The following ATXN10 variants were observed in gnomAD, a reference collection of about 807,000 sequenced individuals.
ATXN10 encodes ataxin-10.
ATXN10 carries 28 observed loss-of-function variants against 52.9 expected under a neutral mutation model. The ratio of observed to expected loss-of-function variants is 0.53; its 90% CI spans 0.39 to 0.73. ATXN10 has a LOEUF of 0.73. Ranked by LOEUF, ATXN10 falls within the 30% of genes least tolerant of loss-of-function variation. The pLI is 0.00. For missense variants in ATXN10, 565 were observed against 577.0 expected, an observed-to-expected ratio of 0.98 and a Z score of 0.21; for synonymous variants, 226 against 221.5, an observed-to-expected ratio of 1.02 and a Z score of -0.18.
Position 45,672,005 on chromosome 22 carries a change from C to A in ATXN10, c.-59C>A. 4.6e-6 allele frequency: 7 copies of A among 1,519,592 alleles called. No individual in the cohort carries two copies. Among genetic ancestry groups the A allele is most frequent in the South Asian group, 1.2e-5 (1 of 83,074 alleles). The allele number at this position is 1,519,592 out of a possible 1,614,324, so 94.1% of individuals were successfully genotyped here. ...ACTCCTCCCTCCTCGTCATCCTCCCCCTTCGTCCTCCTCGCCTTCCTCCTC... is the reference window on the plus strand; with the variant it reads ...ACTCCTCCCTCCTCGTCATCCTCCCACTTCGTCCTCCTCGCCTTCCTCCTC... On this transcript the variant is annotated 5_prime_UTR_variant, in exon 1 of 12. Coordinates refer to ENST00000252934, the MANE Select transcript of ATXN10 (RefSeq NM_013236.4).
At position 45,696,498 on chromosome 22, in the gene ATXN10, G is replaced by T. The variant is rs1401856586; in HGVS notation, c.391+3420G>T. ...GCTGTGATTAAATAACTATTAGAATGGAGCCAGCCCCTCCACCATGTGCTG... is the reference window on the plus strand; with the variant it reads ...GCTGTGATTAAATAACTATTAGAATTGAGCCAGCCCCTCCACCATGTGCTG... On this transcript the variant is annotated intron_variant, in intron 3 of 11. Transcript: ENST00000252934. This position sits in a 1 kb window ranked among gnomAD's most constrained non-coding sequence, Gnocchi z 4.7. Among the ~76,000 whole-genome samples the T allele has an allele frequency of 1.3e-5, 2 of 152,212 alleles. No homozygotes were observed. The highest frequency in any genetic ancestry group is 2.9e-5 in the Non-Finnish European group (2 of 68,038).
Position 45,840,363 on chromosome 22 carries a change from C to CAGCAGGTGCACCTAATCTA in ATXN10, c.1238-2618_1238-2600dup, listed in dbSNP as rs375912136. On this transcript the variant is annotated intron_variant, in intron 10 of 11. Coordinates refer to ENST00000252934, the MANE Select transcript of ATXN10 (RefSeq NM_013236.4). The surrounding 1 kb of genome is among the most constrained non-coding windows in gnomAD (Gnocchi z 5.8). ...AGAGAGAGAATGCATTGGAAACAGA[C>CAGCAGGTGCACCTAATCTA]AGCAGGTGCACCTAATCTAAGCAGG... Among the ~76,000 whole-genome samples, 25 of 152,286 alleles carry CAGCAGGTGCACCTAATCTA rather than the reference C, an allele frequency of 1.6e-4. No individual in the cohort carries two copies. In the East Asian group the frequency reaches 4.8e-3, roughly 29 times the overall value.
rs761930194 is a variant in ATXN10 at position 45,770,461 on chromosome 22, G to A, written c.1173+29923G>A. Among the ~76,000 whole-genome samples, 2 of 152,214 alleles carry A rather than the reference G, an allele frequency of 1.3e-5. No individual in the cohort carries two copies. The highest frequency in any genetic ancestry group is 2.9e-5 in the Non-Finnish European group (2 of 68,042). ...CGTGTGTTTCTGTGTCTGTGAATGT[G>A]TGTTGCAACATTAGGTTGCAATGCA... On this transcript the variant is annotated intron_variant, in intron 9 of 11. Coordinates refer to ENST00000252934, the MANE Select transcript of ATXN10 (RefSeq NM_013236.4). This position sits in a 1 kb window ranked among gnomAD's most constrained non-coding sequence, Gnocchi z 4.5.
chr22:45,759,785 A>C lies in ATXN10; in HGVS notation c.1173+19247A>C, dbSNP rs149987548. On this transcript the variant is annotated intron_variant, in intron 9 of 11. Transcript: ENST00000252934. This position sits in a 1 kb window ranked among gnomAD's most constrained non-coding sequence, Gnocchi z 5.4. The stretch of plus-strand genomic sequence containing the variant: ...GGCATGAGCTAAGGGACCATATAAC[A>C]GTCAGCACTGTCCATCGCTTGCTTC... Among the ~76,000 whole-genome samples, 285 of 152,302 alleles carry C rather than the reference A, an allele frequency of 1.9e-3. 3 individuals carry two copies. Among genetic ancestry groups the C allele is most frequent in the African/African-American group, 6.4e-3 (266 of 41,554 alleles).
At chr22:45,806,681 G>A (rs776694641) in intron 9 of ATXN10, among the ~76,000 whole-genome samples, 3 of 151,958 alleles carry the variant, frequency 2.0e-5, no homozygotes, top group Non-Finnish European at 2.9e-5. Flanking sequence ...GTTTATCCTG[G>A]TGAACAATGT....
intron 3 of ATXN10, 128 bp from the exon 4 acceptor site, chr22:45,700,154 G>A: frequency 1.4e-6 from 1 of 727,514 alleles, no homozygotes; most frequent in East Asian, 2.9e-5. Flanking sequence ...TGTGGAGACA[G>A]ACTTTAATTT....
intron 1 of ATXN10, among the ~76,000 whole-genome samples, chr22:45,687,402 C>G (rs1184675569): frequency 6.6e-6 from 1 of 152,122 alleles, no homozygotes; most frequent in African/African-American, 2.4e-5. Flanking sequence ...CAGGGAAGAC[C>G]ATTCACGGGG....
intron 9 of ATXN10, among the ~76,000 whole-genome samples, chr22:45,751,550 G>A (rs1925950302): frequency 6.6e-6 from 1 of 151,468 alleles, no homozygotes; most frequent in Non-Finnish European, 1.5e-5. Context: ...CCTCTCTGTT[G>A]TCAGGTGTTC....
chr22:45,837,430 T>G lies in ATXN10; in HGVS notation c.1238-5561T>G, dbSNP rs1929203968. 6.6e-6 allele frequency among the ~76,000 whole-genome samples: 1 copy of G among 152,124 alleles called. No individual in the cohort carries two copies. Among genetic ancestry groups the G allele is most frequent in the South Asian group, 2.1e-4 (1 of 4,822 alleles). On this transcript the variant is annotated intron_variant, in intron 10 of 11. Transcript: ENST00000252934. This position sits in a 1 kb window ranked among gnomAD's most constrained non-coding sequence, Gnocchi z 5.8. Reference sequence around the variant, plus strand: ...CGGCTCACCAGCACGCCCAGCTGATTTTTTTGTATATTTAGTAGAGATGGG... The same window carrying G: ...CGGCTCACCAGCACGCCCAGCTGATGTTTTTGTATATTTAGTAGAGATGGG...
rs147353799 is a variant in ATXN10 at position 45,751,965 on chromosome 22, G to A, written c.1173+11427G>A. Among the ~76,000 whole-genome samples the A allele has an allele frequency of 6.6e-4, 98 of 147,552 alleles. No individual in the cohort carries two copies. In the East Asian group the frequency reaches 0.013, roughly 19 times the overall value. The stretch of plus-strand genomic sequence containing the variant: ...ATTGTCTGACTCCCCCCACCCCCAC[G>A]TTTTAAAAGCTGATTGCTTATCTTA... On this transcript the variant is annotated intron_variant, in intron 9 of 11. Coordinates refer to ENST00000252934, the MANE Select transcript of ATXN10 (RefSeq NM_013236.4).
At position 45,729,331 on chromosome 22, in the gene ATXN10, A is replaced by G. The variant is rs1274189863; in HGVS notation, c.729-94A>G. The G allele has an allele frequency of 2.4e-6, 3 of 1,270,552 alleles. No individual in the cohort carries two copies. The Admixed American group carries it at 5.2e-5, about 22-fold the overall frequency. The allele number at this position is 1,270,552 out of a possible 1,614,324, so 78.7% of individuals were successfully genotyped here. ...AGAAGCAAGGTAAGGAATTTAAAAT[A>G]ATAATATTCCCTTAAAGTTGCTTTC... On this transcript the variant is annotated intron_variant, in intron 6 of 11. Coordinates refer to ENST00000252934, the MANE Select transcript of ATXN10 (RefSeq NM_013236.4).
intron 9 of ATXN10, among the ~76,000 whole-genome samples, chr22:45,776,629 C>T (rs1214370814): frequency 6.6e-6 from 1 of 152,082 alleles, no homozygotes; most frequent in Non-Finnish European, 1.5e-5. Context: ...CAGCTGCCCA[C>T]TAGTTGTGTG....
At position 45,841,610 on chromosome 22, in the gene ATXN10, A is replaced by G. The variant is rs1488521469; in HGVS notation, c.1238-1381A>G. 6.6e-6 allele frequency among the ~76,000 whole-genome samples: 1 copy of G among 152,158 alleles called. No homozygotes were observed. The highest frequency in any genetic ancestry group is 1.5e-5 in the Non-Finnish European group (1 of 68,026). On this transcript the variant is annotated intron_variant, in intron 10 of 11. Coordinates refer to ENST00000252934, the MANE Select transcript of ATXN10 (RefSeq NM_013236.4). This position sits in a 1 kb window ranked among gnomAD's most constrained non-coding sequence, Gnocchi z 5.1. ...GGAGCAACCTTTTTAAAGCCCCAAA[A>G]ACACTTCCTGAGCATACAGCTGACT... is the stretch of plus-strand genomic sequence containing the variant.
intron 5 of ATXN10, among the ~76,000 whole-genome samples, chr22:45,714,614 T>C (rs996518982): frequency 5.9e-5 from 9 of 152,188 alleles, no homozygotes; most frequent in African/African-American, 2.2e-4. Flanking sequence ...AGTCCTGGCC[T>C]TAAGCAGTCC....
At chr22:45,796,339 C>T (rs927444156) in intron 9 of ATXN10, among the ~76,000 whole-genome samples, 2 of 152,152 alleles carry the variant, frequency 1.3e-5, no homozygotes, top group African/African-American at 4.8e-5. Flanking sequence ...AGTGTGTGCC[C>T]AGCAGGACAT....
chr22:45,689,552 A>T (rs531393384), intron 1 of ATXN10, 160 bp from the exon 2 acceptor site: 1 of 653,086 alleles, frequency 1.5e-6, no homozygotes, highest in African/African-American at 1.8e-5. Flanking sequence ...TAAGTGCTCA[A>T]TATGTGTAGA....
Position 45,843,326 on chromosome 22 carries a change from A to G in ATXN10, c.1425+148A>G. ...TGGTTTACCGAGGAAAGCCCTAAAGATAGCTGCAAACGGTTTTTTTGTTCC... is the reference window on the plus strand; with the variant it reads ...TGGTTTACCGAGGAAAGCCCTAAAGGTAGCTGCAAACGGTTTTTTTGTTCC... On this transcript the variant is annotated intron_variant, in intron 11 of 11. Coordinates refer to ENST00000252934, the MANE Select transcript of ATXN10 (RefSeq NM_013236.4). This position sits in a 1 kb window ranked among gnomAD's most constrained non-coding sequence, Gnocchi z 4.5. The G allele has an allele frequency of 2.1e-6, 2 of 944,720 alleles. No individual in the cohort carries two copies. Among genetic ancestry groups the G allele is most frequent in the East Asian group, 2.6e-5 (1 of 38,240 alleles). The allele number at this position is 944,720 out of a possible 1,614,324, so 58.5% of individuals were successfully genotyped here.
At chr22:45,680,676 C>T (rs1338982781) in intron 1 of ATXN10, among the ~76,000 whole-genome samples, 3 of 151,480 alleles carry the variant, frequency 2.0e-5, no homozygotes, top group Non-Finnish European at 2.9e-5. Context: ...GTTTCCCAGG[C>T]TGGTCTTGAA....
chr22:45,782,403 C>T (rs1174035580), intron 9 of ATXN10, among the ~76,000 whole-genome samples: 3 of 152,148 alleles, frequency 2.0e-5, no homozygotes, highest in African/African-American at 7.2e-5. Flanking sequence ...AGACTGGAAA[C>T]AACCCAAGTG....
Sources: gnomAD v4.1 joint callset for allele counts (sites outside exome capture counted in the v4.1 genomes callset) on GRCh38, gnomAD v4.1.1 for gene constraint, Gnocchi (gnomAD v3.1) non-coding constraint, MANE v1.5 for transcripts, NCBI Gene and HGNC (gene_info 2026-07-23, HGNC 2026-07-21) for gene names.